ASPH: variants seen among roughly 807,000 people sequenced by gnomAD.
ASPH encodes the protein aspartate beta-hydroxylase.
ASPH carries 100 observed loss-of-function variants against 118.4 expected under a neutral mutation model. That is an observed-to-expected ratio of 0.84 (90% CI 0.72 to 1.00). The LOEUF is 1.00. Among genes scored for constraint, ASPH ranks in the 50% least tolerant of loss-of-function variants. ASPH has a pLI of 0.00. For missense variants in ASPH, 920 were observed against 919.5 expected (o/e 1.00, Z -0.01); for synonymous variants, 315 against 325.6 (o/e 0.97, Z 0.35).
In ASPH at chr8:61,555,969, G is replaced by A. The variant is rs998888612; in HGVS notation, c.1491C>T (p.Ile497=). The change falls in exon 19 of 25, where the codon ATC becomes ATT. Residue 497 remains isoleucine (I), a synonymous_variant. Coordinates refer to ENST00000379454, the MANE Select transcript of ASPH (RefSeq NM_004318.4). ...DGFAKVHYGF[I]LKAQNKIAES... is the part of the protein sequence containing the mutation. ...CAGCAATTTTGTTCTGTGCCTTCAG[G>A]ATGAAGCCATAATGGACTTTAGCAA... is the stretch of plus-strand genomic sequence containing the variant. 4.3e-6 allele frequency: 7 copies of A among 1,613,856 alleles called. 1 individual carries two copies. The South Asian group carries it at 7.7e-5, about 18-fold the overall frequency.
intron 1 of ASPH, among the ~76,000 whole-genome samples, chr8:61,698,524 A>C (rs964821810): frequency 3.9e-5 from 6 of 152,188 alleles, no homozygotes; most frequent in Non-Finnish European, 8.8e-5. Flanking sequence ...CCATCTTTTT[A>C]GTTTTTTATG....
chr8:61,584,166 G>A (rs1161353868), intron 14 of ASPH, 137 bp from the exon 15 acceptor site: 22 of 578,652 alleles, frequency 3.8e-5, no homozygotes, highest in East Asian at 3.1e-4. Context: ...CTGCAGGCTC[G>A]CCTTCCATTT....
intron 16 of ASPH, among the ~76,000 whole-genome samples, chr8:61,570,683 C>T (rs1479976681): frequency 6.6e-6 from 1 of 152,162 alleles, no homozygotes; most frequent in Non-Finnish European, 1.5e-5. Context: ...ACTGAAAAGT[C>T]TGCAGATTGA....
chr8:61,714,228 C>G (rs1186034776), intron 1 of ASPH, 41 bp downstream of exon 1: 5 of 1,437,002 alleles, frequency 3.5e-6, no homozygotes, highest in Non-Finnish European at 3.6e-6. Context: ...CTCCCTACCC[C>G]GAGGCGAGGC....
At chr8:61,624,911 T>A (rs1852200250) in intron 13 of ASPH, 1 of 985,126 alleles carries the variant, frequency 1.0e-6, no homozygotes, top group Admixed American at 6.1e-5. Flanking sequence ...CTTTTCTTAT[T>A]ATCTTATTAT....
At chr8:61,660,281 T>A (rs1016009568) in intron 3 of ASPH, 2 of 152,098 alleles carry the variant, frequency 1.3e-5, no homozygotes, top group Non-Finnish European at 2.9e-5. Context: ...TCTCTGTATT[T>A]GGGCAGGGGG....
intron 13 of ASPH, among the ~76,000 whole-genome samples, chr8:61,622,994 C>T (rs1851528331): frequency 6.6e-6 from 1 of 152,146 alleles, no homozygotes; most frequent in Non-Finnish European, 1.5e-5. Context: ...CTTTTCTGTC[C>T]AGAGAATGAA....
intron 14 of ASPH, among the ~76,000 whole-genome samples, chr8:61,599,613 C>T (rs556007090): frequency 6.9e-4 from 104 of 151,680 alleles, no homozygotes; most frequent in Non-Finnish European, 1.2e-3. Context: ...CACAGAACTA[C>T]GAAGGATCAT....
chr8:61,704,916 A>C (rs753261724), intron 1 of ASPH, among the ~76,000 whole-genome samples: 1 of 152,224 alleles, frequency 6.6e-6, no homozygotes, highest in African/African-American at 2.4e-5. Flanking sequence ...AGAGTTGAAC[A>C]GTTTCTTAAT....
At chr8:61,589,120 A>G (rs1442094211) in intron 14 of ASPH, among the ~76,000 whole-genome samples, 1 of 152,218 alleles carries the variant, frequency 6.6e-6, no homozygotes, top group African/African-American at 2.4e-5. Context: ...GATGACTACA[A>G]GGGCACAAAA....
At chr8:61,532,717 TC>T (rs774497109) in intron 21 of ASPH, among the ~76,000 whole-genome samples, 1 of 152,212 alleles carries the variant, frequency 6.6e-6, no homozygotes, top group Non-Finnish European at 1.5e-5. Context: ...TCCTTCCTTC[TC>T]TAGAAGCTTT....
At chr8:61,596,364 C>T (rs1479566820) in intron 14 of ASPH, among the ~76,000 whole-genome samples, 2 of 152,212 alleles carry the variant, frequency 1.3e-5, no homozygotes, top group Admixed American at 6.5e-5. Context: ...CTGCTACTGC[C>T]ATGGCCAATA....
At chr8:61,510,295 C>A (rs1410501473) in intron 24 of ASPH, among the ~76,000 whole-genome samples, 5 of 152,100 alleles carry the variant, frequency 3.3e-5, no homozygotes, top group Admixed American at 2.6e-4. Context: ...AGAGGGAAAG[C>A]CAGGATTTGA....
chr8:61,625,292 CG>C (rs1852344243), intron 13 of ASPH: 1 of 985,644 alleles, frequency 1.0e-6, no homozygotes, highest in African/African-American at 1.7e-5. Context: ...CAGCAGGCAT[CG>C]GGCTCTGTGA....
At chr8:61,580,168 G>A (rs756444401) in intron 15 of ASPH, among the ~76,000 whole-genome samples, 2 of 152,192 alleles carry the variant, frequency 1.3e-5, no homozygotes, top group Admixed American at 6.5e-5. Context: ...AGGTATCTGC[G>A]GCTTTTCCAG....
intron 13 of ASPH, chr8:61,624,736 C>A: frequency 1.0e-6 from 1 of 985,728 alleles, no homozygotes; most frequent in Non-Finnish European, 1.2e-6. Flanking sequence ...AAAAATCCAG[C>A]AAAACTTACT....
intron 3 of ASPH, chr8:61,675,690 T>A (rs1406554186): frequency 4.0e-6 from 4 of 1,001,906 alleles, no homozygotes; most frequent in Non-Finnish European, 4.8e-6. Flanking sequence ...AGAATCATCA[T>A]AATTAATAGT....
At chr8:61,547,068 T>C (rs1824148071) in intron 21 of ASPH, among the ~76,000 whole-genome samples, 1 of 152,126 alleles carries the variant, frequency 6.6e-6, no homozygotes, top group South Asian at 2.1e-4. Flanking sequence ...ATACATGAAG[T>C]TTTTACATTT....
Position 61,563,390 on chromosome 8 carries a change from C to A in ASPH, c.1301-510G>T, listed in dbSNP as rs1202676224. 2.0e-5 allele frequency among the ~76,000 whole-genome samples: 3 copies of A among 152,062 alleles called. No individual in the cohort carries two copies. The East Asian group carries it at 5.8e-4, about 29-fold the overall frequency. ...AAGTGTACTCATCTCTAGGTAATGA[C>A]CTAGTCATGGAGCAAATGATACATC... On this transcript the variant is annotated intron_variant, in intron 17 of 24. Transcript: ENST00000379454.
Sources: gnomAD v4.1 joint callset for allele counts (sites outside exome capture counted in the v4.1 genomes callset) on GRCh38, gnomAD v4.1.1 for gene constraint, MANE v1.5 for transcripts, NCBI Gene and HGNC (gene_info 2026-07-23, HGNC 2026-07-21) for gene names.